FRYL: variants seen among roughly 807,000 people sequenced by gnomAD.
The protein encoded by FRYL is FRY like transcription coactivator, also known as protein furry homolog-like.
FRYL carries 150 observed loss-of-function variants against 351.2 expected under a neutral mutation model. That is an observed-to-expected ratio of 0.43 (90% CI 0.37 to 0.49). The LOEUF (loss-of-function observed/expected upper bound fraction) is 0.49. Among genes scored for constraint, FRYL ranks in the 20% least tolerant of loss-of-function variants. FRYL has a pLI of 0.00. For synonymous variants in FRYL, 1,153 were observed against 1,257.1 expected (o/e 0.92, Z 1.75); for missense variants, 3,036 against 3,619.3 (o/e 0.84, Z 4.13).
intron 2 of FRYL, among the ~76,000 whole-genome samples, chr4:48,685,552 C>T (rs1765062230): frequency 6.6e-6 from 1 of 152,064 alleles, no homozygotes; most frequent in African/African-American, 2.4e-5. Flanking sequence ...TGATATTTAT[C>T]ACATCTACAG....
At chr4:48,531,471 T>C in intron 49 of FRYL, 118 bp from the exon 50 acceptor site, 1 of 675,658 alleles carries the variant, frequency 1.5e-6, no homozygotes, top group East Asian at 2.8e-5. Context: ...AAATTATTCA[T>C]TTTGAAGATC....
intron 7 of FRYL, among the ~76,000 whole-genome samples, chr4:48,610,758 ATATAT>A (rs975621587): frequency 2.8e-4 from 41 of 146,434 alleles, no homozygotes; most frequent in South Asian, 2.7e-3. Flanking sequence ...GTATATATAC[ATATAT>A]TATATATATG....
At chr4:48,628,175 C>A (rs1752222879) in intron 4 of FRYL, among the ~76,000 whole-genome samples, 2 of 152,306 alleles carry the variant, frequency 1.3e-5, no homozygotes, top group South Asian at 4.1e-4. Context: ...TACACTAACA[C>A]ATAAATGAAT....
chr4:48,564,054 G>C lies in FRYL; in HGVS notation c.3490C>G (p.Pro1164Ala). ...CAGTACATCAGGTTGCTCTGATCAG[G>C]GTTCAGCTCCAGTAACAACGTAACT... is the stretch of plus-strand genomic sequence containing the variant. ...EAVTLLLELN[P>A]DQSNLMYWAV... Residue 1164 changes from proline to alanine, a missense_variant, in exon 31 of 64, where the codon CCT becomes GCT. Pro to Ala is a conservative substitution (Grantham distance 27). Around this residue, in one of 7 missense-constraint regions of FRYL, gnomAD observed 1,987 missense variants for 2,311.7 expected, o/e 0.86. Transcript: ENST00000358350. The C allele has an allele frequency of 6.2e-7, 1 of 1,614,166 alleles. No homozygotes were observed. Among genetic ancestry groups the C allele is most frequent in the African/African-American group, 1.3e-5 (1 of 75,060 alleles).
Position 48,546,355 on chromosome 4 carries a change from A to AC in FRYL, c.5075-85dup, listed in dbSNP as rs1236887851. On this transcript the variant is annotated intron_variant, in intron 41 of 63. Coordinates refer to ENST00000358350, the MANE Select transcript of FRYL (RefSeq NM_015030.2). ...ATAGAATTAAACTGTTGTTCCTTAG[A>AC]CTCTATGGGACACATGAGGCAATCT... is the stretch of plus-strand genomic sequence containing the variant. 3.8e-6 allele frequency: 4 copies of AC among 1,044,502 alleles called. No individual in the cohort carries two copies. The East Asian group carries it at 1.0e-4, about 27-fold the overall frequency. The allele number at this position is 1,044,502 out of a possible 1,614,324, so 64.7% of individuals were successfully genotyped here. A position where few individuals can be genotyped will look rare whatever the true frequency, so the allele number is the denominator to read the frequency against.
At chr4:48,737,244 C>G (rs1201892700) in intron 1 of FRYL, among the ~76,000 whole-genome samples, 5 of 127,608 alleles carry the variant, frequency 3.9e-5, no homozygotes, top group African/African-American at 1.5e-4. Flanking sequence ...GGCCACAGAG[C>G]GAGACTCCAT....
intron 1 of FRYL, among the ~76,000 whole-genome samples, chr4:48,744,561 TAAATC>T (rs1215218505): frequency 3.3e-5 from 5 of 152,310 alleles, no homozygotes; most frequent in South Asian, 2.1e-4. Context: ...TTCTTTTTCT[TAAATC>T]AAAGGCAGCA....
chr4:48,504,214 A>G (rs890264471), intron 60 of FRYL, among the ~76,000 whole-genome samples: 2 of 152,114 alleles, frequency 1.3e-5, no homozygotes, highest in African/African-American at 4.8e-5. Context: ...TTATTATGCA[A>G]AAGACAAGAC....
At chr4:48,752,963 A>C (rs911580860) in intron 1 of FRYL, among the ~76,000 whole-genome samples, 1 of 152,132 alleles carries the variant, frequency 6.6e-6, no homozygotes, top group Non-Finnish European at 1.5e-5. Context: ...CGTTAATTGC[A>C]GCCAAAAACA....
intron 38 of FRYL, chr4:48,550,359 T>C (rs1732422260): frequency 2.1e-6 from 1 of 473,334 alleles, no homozygotes; most frequent in Admixed American, 3.6e-5. Context: ...TGAGAACCAG[T>C]TCTTATGTTC....
At chr4:48,571,445 G>A (rs1171203867) in intron 26 of FRYL, among the ~76,000 whole-genome samples, 4 of 152,142 alleles carry the variant, frequency 2.6e-5, no homozygotes, top group Non-Finnish European at 5.9e-5. Flanking sequence ...CTAGAATAAT[G>A]CCCAGAATAA....
intron 55 of FRYL, among the ~76,000 whole-genome samples, chr4:48,515,840 A>G (rs1041911924): frequency 3.9e-5 from 6 of 152,166 alleles, no homozygotes; most frequent in African/African-American, 1.2e-4. Flanking sequence ...TTGGTAAAAT[A>G]TCTTCTCTCA....
At chr4:48,668,310 A>G (rs1348191576) in intron 3 of FRYL, among the ~76,000 whole-genome samples, 1 of 151,206 alleles carries the variant, frequency 6.6e-6, no homozygotes, top group African/African-American at 2.4e-5. Flanking sequence ...TTCTCTTTCC[A>G]TTTTGAAACT....
At position 48,576,072 on chromosome 4, in the gene FRYL, C is replaced by A. The variant is rs755794580; in HGVS notation, c.2679G>T (p.Thr893=). 7.4e-6 allele frequency: 12 copies of A among 1,612,980 alleles called. No individual in the cohort carries two copies. Among genetic ancestry groups the A allele is most frequent in the Non-Finnish European group, 8.5e-6 (10 of 1,179,598 alleles). Reference sequence around the variant, plus strand: ...AGCCGCTATCTGGGGTAGACGCCAGCGTCTCAGGAGGAGAACATCTCACAG... The same window carrying A: ...AGCCGCTATCTGGGGTAGACGCCAGAGTCTCAGGAGGAGAACATCTCACAG... The part of the protein sequence containing the change: ...AGSVRCSPPE[T]LASTPDSGYS... Residue 893 remains threonine, a synonymous_variant, in exon 24 of 64, where the codon ACG becomes ACT. Coordinates refer to ENST00000358350, the MANE Select transcript of FRYL (RefSeq NM_015030.2).
chr4:48,690,731 T>A (rs1428838438), intron 2 of FRYL, among the ~76,000 whole-genome samples: 1 of 152,194 alleles, frequency 6.6e-6, no homozygotes, highest in African/African-American at 2.4e-5. Context: ...TAACCTTTTA[T>A]ATGTATAGTT....
chr4:48,714,073 C>T (rs1768450142), intron 1 of FRYL, among the ~76,000 whole-genome samples: 1 of 151,862 alleles, frequency 6.6e-6, no homozygotes, highest in Non-Finnish European at 1.5e-5. Flanking sequence ...TTGAAATCAA[C>T]GAGAACAAAG....
At chr4:48,572,492 T>C (rs1290581437) in intron 26 of FRYL, among the ~76,000 whole-genome samples, 1 of 152,228 alleles carries the variant, frequency 6.6e-6, no homozygotes, top group Admixed American at 6.5e-5. Flanking sequence ...CTAGAATACC[T>C]TTTTCCCTTG....
chr4:48,507,730 T>TA (rs1286012837), intron 59 of FRYL, among the ~76,000 whole-genome samples: 1 of 152,118 alleles, frequency 6.6e-6, no homozygotes, highest in Non-Finnish European at 1.5e-5. Context: ...GATAGATAGA[T>TA]AGATAGATCG....
chr4:48,577,389 T>C (rs1454942151), intron 23 of FRYL, among the ~76,000 whole-genome samples: 1 of 152,206 alleles, frequency 6.6e-6, no homozygotes, highest in Non-Finnish European at 1.5e-5. Context: ...AGGTAAGTAA[T>C]GCAAACACAT....
Sources: allele counts gnomAD v4.1 joint callset (sites outside exome capture counted in the v4.1 genomes callset), GRCh38; gene constraint gnomAD v4.1.1; regional missense constraint gnomAD v4.1.1; transcripts MANE v1.5; gene names NCBI Gene and HGNC (gene_info 2026-07-23, HGNC 2026-07-21).